STRN3: variants seen among roughly 807,000 people sequenced by gnomAD.
The protein encoded by STRN3 is striatin-3.
A neutral mutation model predicts 95.6 loss-of-function variants in STRN3; 29 were observed. The ratio of observed to expected loss-of-function variants is 0.30; its 90% confidence interval spans 0.23 to 0.41. STRN3 has a LOEUF of 0.41. Among genes scored for constraint, STRN3 ranks in the 10% least tolerant of loss-of-function variants. STRN3 has a pLI of 1.00. For missense variants in STRN3, 890 were observed against 972.1 expected (o/e 0.92, Z 1.12); for synonymous variants, 331 against 357.6 (o/e 0.93, Z 0.84).
At chr14:30,967,464 T>C (rs1415830414) in intron 1 of STRN3, among the ~76,000 whole-genome samples, 1 of 152,224 alleles carries the variant, frequency 6.6e-6, no homozygotes, top group Non-Finnish European at 1.5e-5. Context: ...TTGAAGGTCT[T>C]CTCCGTGACC....
chr14:30,986,994 A>G (rs1566476652), intron 1 of STRN3, among the ~76,000 whole-genome samples: 1 of 152,222 alleles, frequency 6.6e-6, no homozygotes, highest in African/African-American at 2.4e-5. Flanking sequence ...ATCAAAAAAA[A>G]TACTCAAGCT....
At chr14:30,942,464 GGCT>G (rs533068853) in intron 5 of STRN3, among the ~76,000 whole-genome samples, 239 of 152,286 alleles carry the variant, frequency 1.6e-3, no homozygotes, top group African/African-American at 5.1e-3. Flanking sequence ...CCAAAGGTAA[GGCT>G]GCTAAGTAAA....
chr14:30,980,584 T>A (rs1340314998), intron 1 of STRN3, among the ~76,000 whole-genome samples: 2 of 151,942 alleles, frequency 1.3e-5, no homozygotes, highest in African/African-American at 4.8e-5. Flanking sequence ...ATCTTTGTAT[T>A]TTTAGTAGAG....
At chr14:31,006,118 CAAAAAA>C (rs370320880) in intron 1 of STRN3, among the ~76,000 whole-genome samples, 1 of 75,270 alleles carries the variant, frequency 1.3e-5, no homozygotes, top group East Asian at 4.2e-4. Context: ...GACTCTGTCT[CAAAAAA>C]AAAAAAAAAA....
At chr14:30,929,970 A>AC in intron 7 of STRN3, among the ~76,000 whole-genome samples, 1 of 139,398 alleles carries the variant, frequency 7.2e-6, no homozygotes. Context: ...AAAAAAAAAA[A>AC]AAAAAAAAAC....
intron 1 of STRN3, among the ~76,000 whole-genome samples, chr14:31,011,258 G>T (rs931345509): frequency 2.0e-5 from 3 of 152,170 alleles, no homozygotes; most frequent in Non-Finnish European, 2.9e-5. Context: ...CACAGAAATT[G>T]TAAGTCAAGC....
intron 1 of STRN3, among the ~76,000 whole-genome samples, chr14:31,015,337 A>C (rs529895443): frequency 6.6e-6 from 1 of 151,928 alleles, no homozygotes; most frequent in South Asian, 2.1e-4. Context: ...CACAACTCTT[A>C]AATAGAATTC....
Position 30,924,287 on chromosome 14 carries a change from C to CTTTTTTTTTTTTTT in STRN3, c.1099+4900_1099+4913dup, listed in dbSNP as rs71112354. Among the ~76,000 whole-genome samples, 744 of 77,228 alleles carry CTTTTTTTTTTTTTT rather than the reference C, an allele frequency of 9.6e-3. 132 individuals are homozygous for CTTTTTTTTTTTTTT. The highest frequency in any genetic ancestry group is 0.017 in the African/African-American group (313 of 18,664). 50.7% of individuals were successfully genotyped at this position (77,228 alleles called of 152,430 possible). On this transcript the variant is annotated intron_variant, in intron 8 of 17. Coordinates refer to ENST00000357479, the MANE Select transcript of STRN3 (RefSeq NM_001083893.2). ...AGGTACAATGGCTCATGCCTTAAATCTTTTTTTTTTTTTTTTTTTTGAGAT... is the reference window on the plus strand; with the variant it reads ...AGGTACAATGGCTCATGCCTTAAATCTTTTTTTTTTTTTTTTTTTTTTTTTTTTTTTTTTGAGAT...
At chr14:30,919,792 G>A (rs993359211) in intron 8 of STRN3, among the ~76,000 whole-genome samples, 3 of 152,108 alleles carry the variant, frequency 2.0e-5, no homozygotes, top group African/African-American at 7.2e-5. Context: ...TATAAGGGAA[G>A]AATTTTGGCT....
chr14:30,948,990 G>T (rs1208353120), intron 4 of STRN3, among the ~76,000 whole-genome samples: 1 of 152,184 alleles, frequency 6.6e-6, no homozygotes, highest in East Asian at 1.9e-4. Flanking sequence ...TATTTGATCA[G>T]TCAGGACAAC....
At chr14:30,937,098 A>C (rs964021973) in intron 5 of STRN3, among the ~76,000 whole-genome samples, 1 of 152,056 alleles carries the variant, frequency 6.6e-6, no homozygotes, top group African/African-American at 2.4e-5. Flanking sequence ...AGAGGGGAAG[A>C]TCGCTTGAGC....
At chr14:30,977,238 A>G (rs1881151801) in intron 1 of STRN3, among the ~76,000 whole-genome samples, 1 of 152,160 alleles carries the variant, frequency 6.6e-6, no homozygotes, top group Non-Finnish European at 1.5e-5. Context: ...AAATAAATAC[A>G]TATATGAAAA....
In STRN3 at chr14:30,991,784, T is replaced by C. The variant is rs528986004; in HGVS notation, c.282+34120A>G. Among the ~76,000 whole-genome samples the C allele has an allele frequency of 1.2e-4, 18 of 152,114 alleles. No homozygotes were observed. The South Asian group carries it at 3.1e-3, about 26-fold the overall frequency. On this transcript the variant is annotated intron_variant, in intron 1 of 17. Transcript: ENST00000357479. ...AAAACCGAAAGGTTAGAAGAAGCCATATTATAAAAGACCTTATCAGAAAAT... is the reference window on the plus strand; with the variant it reads ...AAAACCGAAAGGTTAGAAGAAGCCACATTATAAAAGACCTTATCAGAAAAT...
In STRN3 at chr14:30,916,062, G is replaced by A. The variant is rs1304927047; in HGVS notation, c.1241-2405C>T. Among the ~76,000 whole-genome samples, 2 of 151,952 alleles carry A rather than the reference G, an allele frequency of 1.3e-5. 1 individual carries two copies. Among genetic ancestry groups the A allele is most frequent in the African/African-American group, 4.8e-5 (2 of 41,360 alleles). ...TTAATCACTATTTACACATATATGT[G>A]CAAAAATTCTTTTACACTACTACCT... On this transcript the variant is annotated intron_variant, in intron 9 of 17. Coordinates refer to ENST00000357479, the MANE Select transcript of STRN3 (RefSeq NM_001083893.2).
At chr14:30,999,580 C>T (rs1882353427) in intron 1 of STRN3, among the ~76,000 whole-genome samples, 1 of 152,132 alleles carries the variant, frequency 6.6e-6, no homozygotes, top group Non-Finnish European at 1.5e-5. Flanking sequence ...GCAGGCAGAA[C>T]AATCAACCAA....
chr14:30,947,044 T>A, intron 5 of STRN3, 46 bp downstream of exon 5: 1 of 1,216,512 alleles, frequency 8.2e-7, no homozygotes, highest in Non-Finnish European at 1.1e-6. Flanking sequence ...ACAATAACAA[T>A]ATCCATAATA....
At chr14:31,002,592 G>T (rs1396084002) in intron 1 of STRN3, among the ~76,000 whole-genome samples, 1 of 149,848 alleles carries the variant, frequency 6.7e-6, no homozygotes, top group Non-Finnish European at 1.5e-5. Context: ...AGTGAGCCAA[G>T]ATCACGCCAC....
chr14:30,924,053 A>G (rs2139030417), intron 8 of STRN3, among the ~76,000 whole-genome samples: 1 of 152,000 alleles, frequency 6.6e-6, no homozygotes, highest in Middle Eastern at 3.4e-3. Flanking sequence ...TTAAAAAGTG[A>G]AAGAAAACTG....
chr14:31,019,160 T>C (rs66819332), intron 1 of STRN3, among the ~76,000 whole-genome samples: 12,021 of 151,892 alleles, frequency 0.079, 519 homozygotes, highest in Non-Finnish European at 0.1. Context: ...AAAAAAAAAT[T>C]AGCCAGGCGT....
Sources: gnomAD v4.1 joint callset for allele counts (sites outside exome capture counted in the v4.1 genomes callset) on GRCh38, gnomAD v4.1.1 for gene constraint, MANE v1.5 for transcripts, NCBI Gene and HGNC (gene_info 2026-07-23, HGNC 2026-07-21) for gene names.